Variants in CCDC7 observed in about 807,000 individuals in gnomAD.
The protein encoded by CCDC7 is coiled-coil domain-containing protein 7.
Under a neutral mutation model 196.9 loss-of-function variants are expected in CCDC7, and 183 were observed. The observed-to-expected ratio is 0.93, with a 90% CI of 0.82 to 1.05. The LOEUF is 1.05. CCDC7 is among the 50% of genes least tolerant of loss of function. The probability of loss-of-function intolerance (pLI) is 0.00; values close to 1 mark genes in which losing one functional copy is unlikely to be tolerated. For missense variants in CCDC7, 1,540 were observed against 1,482.2 expected (o/e 1.04, Z -0.64); for synonymous variants, 525 against 484.6 (o/e 1.08, Z -1.10).
At chr10:32,596,628 G>A (rs11008989) in intron 18 of CCDC7, among the ~76,000 whole-genome samples, 21,022 of 152,142 alleles carry the variant, frequency 0.14, 1,756 homozygotes, top group East Asian at 0.25. Flanking sequence ...TCCTAGCCTC[G>A]ACGATCTTTA....
chr10:32,597,905 T>A (rs992071485), intron 18 of CCDC7, among the ~76,000 whole-genome samples: 1 of 152,174 alleles, frequency 6.6e-6, no homozygotes, highest in African/African-American at 2.4e-5. Flanking sequence ...GAGGTGTCAG[T>A]CGCCCCCCTA....
chr10:32,524,257 G>A (rs767074108), intron 11 of CCDC7, among the ~76,000 whole-genome samples: 4 of 152,090 alleles, frequency 2.6e-5, no homozygotes, highest in South Asian at 2.1e-4. Context: ...CAGAATACAC[G>A]TGGAAAGAAA....
chr10:32,711,852 A>G, intron 25 of CCDC7, 122 bp downstream of exon 26: 1 of 478,754 alleles, frequency 2.1e-6, no homozygotes. Flanking sequence ...TACTCTGTAA[A>G]TACTCTAACA....
intron 41 of CCDC7, among the ~76,000 whole-genome samples, chr10:32,856,767 A>T (rs1298836032): frequency 2.0e-5 from 3 of 151,424 alleles, no homozygotes; most frequent in South Asian, 4.2e-4. Context: ...CCTCTGGAAA[A>T]CCTCTTCCTT....
At chr10:32,559,170 C>T (rs1040404944) in intron 13 of CCDC7, among the ~76,000 whole-genome samples, 4 of 152,250 alleles carry the variant, frequency 2.6e-5, no homozygotes, top group Non-Finnish European at 5.9e-5. Flanking sequence ...CCAGGAAGCT[C>T]GAACTGGGTG....
intron 24 of CCDC7, among the ~76,000 whole-genome samples, chr10:32,709,770 G>T (rs929052615): frequency 6.6e-6 from 1 of 152,144 alleles, no homozygotes; most frequent in Non-Finnish European, 1.5e-5. Flanking sequence ...TGACCAATTT[G>T]CCTGACCTTA....
intron 8 of CCDC7, among the ~76,000 whole-genome samples, chr10:32,479,757 C>T (rs935306630): frequency 3.3e-5 from 5 of 151,814 alleles, no homozygotes; most frequent in Non-Finnish European, 5.9e-5. Flanking sequence ...TCAAGATTTT[C>T]GAAGAATTCG....
chr10:32,492,652 A>G (rs1008678438), intron 9 of CCDC7, among the ~76,000 whole-genome samples: 2 of 152,128 alleles, frequency 1.3e-5, no homozygotes, highest in Non-Finnish European at 2.9e-5. Flanking sequence ...TCATAGACAC[A>G]GAAGATAGAA....
intron 20 of CCDC7, among the ~76,000 whole-genome samples, chr10:32,638,441 G>C (rs761232409): frequency 6.6e-6 from 1 of 152,004 alleles, no homozygotes; most frequent in Non-Finnish European, 1.5e-5. Context: ...TTAGCATGAA[G>C]GTTGTTGAAT....
At chr10:32,805,056 T>C (rs1210664125) in exon 30 of CCDC7, 1 of 1,612,370 alleles carries the variant, frequency 6.2e-7, no homozygotes, top group Admixed American at 1.7e-5. Flanking sequence ...GGGAAGACGC[T>C]TATTAAATGA....
At chr10:32,704,916 C>A (rs1313980476) in intron 24 of CCDC7, among the ~76,000 whole-genome samples, 5 of 152,138 alleles carry the variant, frequency 3.3e-5, no homozygotes, top group African/African-American at 1.2e-4. Flanking sequence ...TCTGTCACAC[C>A]TTTCCTTGGC....
At chr10:32,674,248 C>T (rs994188518) in intron 21 of CCDC7, among the ~76,000 whole-genome samples, 1 of 151,754 alleles carries the variant, frequency 6.6e-6, no homozygotes, top group East Asian at 1.9e-4. Flanking sequence ...ACTGCTTTTG[C>T]TGCATCCTGC....
At position 32,761,759 on chromosome 10, in the gene CCDC7, G is replaced by A. The variant is rs563084695; in HGVS notation, c.2906-17218G>A. On this transcript the variant is annotated intron_variant, in intron 28 of 41. Coordinates refer to ENST00000639629, the Ensembl canonical transcript of CCDC7. ...TCTGTTAAAATGAGAGCATCGATTAGGATAGAACAAAATCCTAAAAACTGG... is the reference window on the plus strand; with the variant it reads ...TCTGTTAAAATGAGAGCATCGATTAAGATAGAACAAAATCCTAAAAACTGG... Among the ~76,000 whole-genome samples the A allele has an allele frequency of 1.2e-4, 18 of 152,044 alleles. No homozygotes were observed. The South Asian group carries it at 3.5e-3, about 30-fold the overall frequency.
exon 38 of CCDC7, chr10:32,847,834 G>C: frequency 6.2e-7 from 1 of 1,600,682 alleles, no homozygotes; most frequent in Non-Finnish European, 8.5e-7. Flanking sequence ...TGTCTATAGA[G>C]ACTGATGTAG....
intron 5 of CCDC7, among the ~76,000 whole-genome samples, chr10:32,468,902 C>T (rs2037380368): frequency 6.6e-6 from 1 of 152,184 alleles, no homozygotes; most frequent in South Asian, 2.1e-4. Context: ...TTTTGCATTA[C>T]ATGTTGCATT....
chr10:32,727,214 G>A (rs543908653), intron 26 of CCDC7, among the ~76,000 whole-genome samples: 2 of 152,148 alleles, frequency 1.3e-5, no homozygotes, highest in African/African-American at 4.8e-5. Context: ...CTGAGAGGTT[G>A]TTGAGGTCTG....
intron 18 of CCDC7, among the ~76,000 whole-genome samples, chr10:32,624,613 C>T (rs2063772612): frequency 6.6e-6 from 1 of 152,054 alleles, no homozygotes; most frequent in Admixed American, 6.6e-5. Flanking sequence ...GTTTCTTATC[C>T]ATAGAGTCAT....
At chr10:32,834,284 G>T (rs1593270420) in intron 32 of CCDC7, among the ~76,000 whole-genome samples, 2 of 152,132 alleles carry the variant, frequency 1.3e-5, no homozygotes, top group Admixed American at 1.3e-4. Context: ...ATTCTTAGAA[G>T]AATCAGAGAA....
At chr10:32,765,130 C>G (rs987191531) in intron 28 of CCDC7, among the ~76,000 whole-genome samples, 4 of 151,872 alleles carry the variant, frequency 2.6e-5, no homozygotes, top group African/African-American at 9.7e-5. Flanking sequence ...ACCCAGGACC[C>G]CTTGAAGGAA....
Sources: allele counts gnomAD v4.1 joint callset (sites outside exome capture counted in the v4.1 genomes callset), GRCh38; gene constraint gnomAD v4.1.1; transcripts MANE v1.5; gene names NCBI Gene and HGNC (gene_info 2026-07-23, HGNC 2026-07-21).